Variants in PCNX4 observed in about 807,000 individuals in gnomAD.
The protein encoded by PCNX4 is pecanex 4, also known as pecanex-like protein 4.
PCNX4 carries 103 observed loss-of-function variants against 107.2 expected under a neutral mutation model. The observed-to-expected ratio is 0.96, with a 90% confidence interval of 0.82 to 1.13. The LOEUF (loss-of-function observed/expected upper bound fraction) is 1.13, where lower values mean the gene tolerates loss of function less well. Ranked by LOEUF, PCNX4 falls within the 50% of genes most tolerant of loss-of-function variation. The pLI is 0.00. For synonymous variants in PCNX4, 541 were observed against 481.7 expected (o/e 1.12, Z -1.61); for missense variants, 1,528 against 1,379.4 (o/e 1.11, Z -1.71).
intron 8 of PCNX4, among the ~76,000 whole-genome samples, chr14:60,122,814 A>G (rs1422078374): frequency 1.3e-5 from 2 of 152,152 alleles, no homozygotes; most frequent in African/African-American, 4.8e-5. Context: ...TTTGTTTTAT[A>G]TAATGAATAG....
At chr14:60,109,675 A>C (rs1244325702) in intron 2 of PCNX4, 2 of 166,236 alleles carry the variant, frequency 1.2e-5, no homozygotes, top group Admixed American at 6.5e-5. Flanking sequence ...TCCTGACCTC[A>C]AGTGATCCAC....
chr14:60,094,350 C>T (rs896493266), intron 1 of PCNX4, among the ~76,000 whole-genome samples: 1 of 152,098 alleles, frequency 6.6e-6, no homozygotes, highest in Non-Finnish European at 1.5e-5. Context: ...TCTCTAGCAT[C>T]AAAACAAAAT....
chr14:60,105,824 C>T (rs896435732), intron 1 of PCNX4, among the ~76,000 whole-genome samples: 12 of 152,204 alleles, frequency 7.9e-5, no homozygotes, highest in African/African-American at 2.9e-4. Flanking sequence ...TCCAAGTTAT[C>T]TCAGTAGAGC....
rs546817233 is a variant in PCNX4 at position 60,125,504 on chromosome 14, C to A, written c.3081-133C>A. On this transcript the variant is annotated intron_variant, in intron 9 of 10. Coordinates refer to ENST00000406854, the MANE Select transcript of PCNX4 (RefSeq NM_001330177.2). ...TTTCTTCACCTTAACTGCATCATTTCTTCCTCCACTTTTTATCTGAAATAG... is the reference window on the plus strand; with the variant it reads ...TTTCTTCACCTTAACTGCATCATTTATTCCTCCACTTTTTATCTGAAATAG... 671 of 785,516 alleles carry A rather than the reference C, an allele frequency of 8.5e-4. 10 individuals are homozygous for A. Among genetic ancestry groups the A allele is most frequent in the Middle Eastern group, 2.4e-3 (6 of 2,500 alleles). The allele number at this position is 785,516 out of a possible 1,614,324, so 48.7% of individuals were successfully genotyped here.
rs1332535217 is a variant in PCNX4 at position 60,131,213 on chromosome 14, A to C, written c.3268-2757A>C. Among the ~76,000 whole-genome samples the C allele has an allele frequency of 5.3e-5, 8 of 152,240 alleles. No homozygotes were observed. The East Asian group carries it at 1.2e-3, about 22-fold the overall frequency. On this transcript the variant is annotated intron_variant, in intron 10 of 10. Transcript: ENST00000406854. The stretch of plus-strand genomic sequence containing the variant: ...TATTTAGTTATACCAGCCTGAGCTA[A>C]GACACCAGAGTAATTAGGCAAGAAA...
At chr14:60,131,601 A>G (rs1218123871) in intron 10 of PCNX4, among the ~76,000 whole-genome samples, 1 of 152,228 alleles carries the variant, frequency 6.6e-6, no homozygotes, top group Admixed American at 6.5e-5. Flanking sequence ...AATCAAAATA[A>G]TATTGTTAAG....
At chr14:60,116,556 G>C (rs1895852833) in intron 6 of PCNX4, among the ~76,000 whole-genome samples, 1 of 152,108 alleles carries the variant, frequency 6.6e-6, no homozygotes, top group Non-Finnish European at 1.5e-5. Flanking sequence ...TGGTGATGTT[G>C]GTGTAAACAA....
intron 6 of PCNX4, 113 bp downstream of exon 6, chr14:60,116,173 C>A: frequency 9.8e-7 from 1 of 1,020,758 alleles, no homozygotes; most frequent in Non-Finnish European, 1.4e-6. Flanking sequence ...AATTTTAGAA[C>A]ATTTTCAACA....
chr14:60,096,168 A>G (rs1011058942), intron 1 of PCNX4, among the ~76,000 whole-genome samples: 1 of 152,228 alleles, frequency 6.6e-6, no homozygotes, highest in Non-Finnish European at 1.5e-5. Flanking sequence ...CATATCAGTC[A>G]TAAGTCAGAT....
chr14:60,125,967 CT>C, intron 10 of PCNX4, 144 bp downstream of exon 10: 1 of 604,986 alleles, frequency 1.7e-6, no homozygotes, highest in East Asian at 3.4e-5. Flanking sequence ...GTAATCATGA[CT>C]TTTTGGCTAA....
intron 1 of PCNX4, among the ~76,000 whole-genome samples, chr14:60,096,563 C>T (rs992461792): frequency 2.6e-5 from 4 of 152,330 alleles, no homozygotes; most frequent in African/African-American, 7.2e-5. Flanking sequence ...TTGTCCTAAC[C>T]ACTCTGGAGG....
chr14:60,128,146 G>GGA (rs1321453522), intron 10 of PCNX4, among the ~76,000 whole-genome samples: 8 of 148,596 alleles, frequency 5.4e-5, no homozygotes, highest in African/African-American at 1.0e-4. Flanking sequence ...CGGAAGGAGA[G>GGA]GAGAGAGAGA....
intron 1 of PCNX4, among the ~76,000 whole-genome samples, chr14:60,098,879 A>C (rs569515776): frequency 7.6e-4 from 116 of 151,968 alleles, no homozygotes; most frequent in Non-Finnish European, 1.5e-3. Context: ...CGGAGGTTGC[A>C]GTGAGCCGAG....
At chr14:60,098,596 C>T (rs904790725) in intron 1 of PCNX4, among the ~76,000 whole-genome samples, 1 of 152,098 alleles carries the variant, frequency 6.6e-6, no homozygotes, top group African/African-American at 2.4e-5. Flanking sequence ...GGGGTGCTTA[C>T]CATATAACTT....
At position 60,125,166 on chromosome 14, in the gene PCNX4, T is replaced by C. The variant is rs769183627; in HGVS notation, c.2995T>C (p.Tyr999His). 2 of 1,612,454 alleles carry C rather than the reference T, an allele frequency of 1.2e-6. No individual in the cohort carries two copies. The highest frequency in any genetic ancestry group is 8.5e-7 in the Non-Finnish European group (1 of 1,179,168). ...APSPGHILRV[Y>H]GGVLPWSVAL... is the part of the protein sequence containing the mutation. ...TAGTCCTGGTCATATATTGAGAGTT[T>C]ACGGTGGTGTTTTGCCTTGGTCTGT... The change falls in exon 9 of 11, where the codon TAC becomes CAC. Residue 999 changes from tyrosine (Y) to histidine (H), a missense_variant. By Grantham distance (83) the Tyr-to-His change is moderately conservative (BLOSUM62 2). Coordinates refer to ENST00000406854, the MANE Select transcript of PCNX4 (RefSeq NM_001330177.2).
At chr14:60,129,295 G>A (rs1047637946) in intron 10 of PCNX4, among the ~76,000 whole-genome samples, 2 of 151,226 alleles carry the variant, frequency 1.3e-5, no homozygotes, top group South Asian at 2.1e-4. Context: ...ACTTATGACT[G>A]TAATCCCAGC....
In PCNX4 at chr14:60,136,404, A is replaced by C. The variant is rs747403845; in HGVS notation, c.*2183A>C. The stretch of plus-strand genomic sequence containing the variant: ...TAATCTCATCTACTTCAAGACTTGA[A>C]ATATCATCAATAAATTGATGATGAT... On this transcript the variant is annotated 3_prime_UTR_variant, in exon 11 of 11. Transcript: ENST00000406854. The C allele has an allele frequency of 6.6e-6, 1 of 152,184 alleles. No homozygotes were observed. The highest frequency in any genetic ancestry group is 1.5e-5 in the Non-Finnish European group (1 of 68,028). 9.4% of individuals were successfully genotyped at this position (152,184 alleles called of 1,614,324 possible).
At position 60,134,066 on chromosome 14, in the gene PCNX4, T is replaced by C. The variant is rs1239942655; in HGVS notation, c.3364T>C (p.Ser1122Pro). 3 of 1,613,734 alleles carry C rather than the reference T, an allele frequency of 1.9e-6. No homozygotes were observed. The highest frequency in any genetic ancestry group is 2.5e-6 in the Non-Finnish European group (3 of 1,179,816). ...TGTTAGAGGTCAGTGGGCCAATCTT[T>C]CATGGGAATTACTTTATGCCACAAA... ...EAVRGQWANL[S>P]WELLYATNDD... The change falls in exon 11 of 11, where the codon TCA (serine) becomes CCA (proline). Residue 1122 changes from serine to proline, a missense_variant. Physicochemically the swap from Ser to Pro is moderately conservative, Grantham distance 74. Transcript: ENST00000406854.
At chr14:60,133,315 A>T (rs1896187645) in intron 10 of PCNX4, among the ~76,000 whole-genome samples, 1 of 152,200 alleles carries the variant, frequency 6.6e-6, no homozygotes. Context: ...AAAATATGCT[A>T]AGTGAAAGAA....
Sources: gnomAD v4.1 joint callset for allele counts (sites outside exome capture counted in the v4.1 genomes callset) on GRCh38, gnomAD v4.1.1 for gene constraint, MANE v1.5 for transcripts, NCBI Gene and HGNC (gene_info 2026-07-23, HGNC 2026-07-21) for gene names.